The following PHF3 variants were observed in gnomAD, a reference collection of about 807,000 sequenced individuals.
The protein encoded by PHF3 is PHD finger protein 3.
PHF3 carries 41 observed loss-of-function variants against 178.4 expected under a neutral mutation model. The ratio of observed to expected loss-of-function variants is 0.23; its 90% CI spans 0.18 to 0.30. The LOEUF (loss-of-function observed/expected upper bound fraction) is 0.30, where lower values mean the gene tolerates loss of function less well. Among genes scored for constraint, PHF3 ranks in the 10% least tolerant of loss-of-function variants. PHF3 has a pLI of 1.00. For missense variants in PHF3, 2,346 were observed against 2,398.1 expected (o/e 0.98, Z 0.45); for synonymous variants, 842 against 800.5 (o/e 1.05, Z -0.88).
At chr6:63,659,765 G>A (rs1223999574) in intron 2 of PHF3, among the ~76,000 whole-genome samples, 3 of 152,120 alleles carry the variant, frequency 2.0e-5, no homozygotes, top group Admixed American at 6.6e-5. Flanking sequence ...TGTCATTTTG[G>A]TGTTCAAAAA....
chr6:63,644,929 A>G (rs962156418), intron 1 of PHF3, among the ~76,000 whole-genome samples: 1 of 148,326 alleles, frequency 6.7e-6, no homozygotes, highest in Non-Finnish European at 1.5e-5. Context: ...CTCTTTTGCC[A>G]GGCTGGAGTG....
At chr6:63,711,538 G>T in intron 15 of PHF3, 48 bp from the exon 16 acceptor site, 2 of 1,491,382 alleles carry the variant, frequency 1.3e-6, no homozygotes, top group Non-Finnish European at 1.8e-6. Context: ...ACCTTTTTTT[G>T]CAATGATTGA....
chr6:63,703,436 C>A, intron 10 of PHF3, 100 bp from the exon 11 acceptor site: 1 of 1,247,390 alleles, frequency 8.0e-7, no homozygotes, highest in Non-Finnish European at 1.1e-6. Context: ...TATGGAACAA[C>A]TGCATTTTAG....
Position 63,713,169 on chromosome 6 carries a change from C to T in PHF3, c.5581C>T (p.Leu1861Phe), listed in dbSNP as rs1341612059. ...GGTTCCCTGGCCACCTGTTGTTCAT[C>T]TCCCAGGTCAGCCACAGCGTATGAT... is the stretch of plus-strand genomic sequence containing the variant. The part of the protein sequence containing the change: ...PMVPWPPVVH[L>F]PGQPQRMMGP... The change falls in exon 16 of 16, where the codon CTC (leucine) becomes TTC (phenylalanine). Residue 1861 changes from leucine to phenylalanine, a missense_variant. Coordinates refer to ENST00000262043, the MANE Select transcript of PHF3 (RefSeq NM_001370348.2). 5 of 1,613,964 alleles carry T rather than the reference C, an allele frequency of 3.1e-6. No individual in the cohort carries two copies. Among genetic ancestry groups the T allele is most frequent in the Admixed American group, 3.3e-5 (2 of 59,992 alleles).
chr6:63,704,271 T>C (rs975787255), intron 11 of PHF3, among the ~76,000 whole-genome samples: 2 of 152,124 alleles, frequency 1.3e-5, no homozygotes, highest in Admixed American at 6.6e-5. Context: ...TAGTTTACAT[T>C]GGCGTTCACT....
chr6:63,669,323 C>T (rs1391920350), intron 2 of PHF3, among the ~76,000 whole-genome samples: 1 of 152,118 alleles, frequency 6.6e-6, no homozygotes, highest in Non-Finnish European at 1.5e-5. Flanking sequence ...TGTATTATTA[C>T]TTATTAGCAA....
At chr6:63,642,226 C>T (rs1172263543) in intron 1 of PHF3, among the ~76,000 whole-genome samples, 2 of 152,174 alleles carry the variant, frequency 1.3e-5, no homozygotes, top group African/African-American at 4.8e-5. Context: ...ATGCTGTTCC[C>T]TTTGCCTAGA....
At chr6:63,675,678 CTTAG>C (rs549382281) in intron 2 of PHF3, among the ~76,000 whole-genome samples, 1 of 152,164 alleles carries the variant, frequency 6.6e-6, no homozygotes, top group South Asian at 2.1e-4. Context: ...CAAATGCAGT[CTTAG>C]TTATTCTAAT....
chr6:63,709,270 A>G, intron 14 of PHF3, 30 bp downstream of exon 14: 1 of 1,338,762 alleles, frequency 7.5e-7, no homozygotes, highest in East Asian at 2.3e-5. Context: ...CTATACCAGC[A>G]TGGGAAAATG....
rs762039119 is a variant in PHF3, at chr6:63,706,788, T to C, written c.3623T>C (p.Ile1208Thr). The C allele has an allele frequency of 3.9e-5, 63 of 1,613,870 alleles. No homozygotes were observed. Among genetic ancestry groups the C allele is most frequent in the Non-Finnish European group, 5.1e-5 (60 of 1,179,872 alleles). The change falls in exon 13 of 16, where the codon ATC becomes ACC. Residue 1208 changes from isoleucine to threonine, a missense_variant. This residue lies in a region of PHF3 where 205 missense variants were observed against 212.4 expected (regional missense o/e 0.97). Transcript: ENST00000262043. The stretch of plus-strand genomic sequence containing the variant: ...ACCTTTCTGGCTCGATTGAACTTCA[T>C]CTGGAAAGGTTTTATCAACATGCCT... The part of the protein sequence containing the change: ...ESTFLARLNF[I>T]WKGFINMPSV...
intron 2 of PHF3, among the ~76,000 whole-genome samples, chr6:63,656,442 T>A (rs79943242): frequency 0.012 from 1,795 of 152,276 alleles, 29 homozygotes; most frequent in African/African-American, 0.041. Flanking sequence ...CTAGTACAGT[T>A]TTTATTCTAG....
At position 63,685,556 on chromosome 6, in the gene PHF3, C is replaced by G. The variant is rs748878027; in HGVS notation, c.1834C>G (p.His612Asp). 1.2e-5 allele frequency: 20 copies of G among 1,613,992 alleles called. No homozygotes were observed. Among genetic ancestry groups the G allele is most frequent in the Non-Finnish European group, 1.6e-5 (19 of 1,180,008 alleles). ...AHPGCLKEPH[H>D]PAQTGHVSHS... ...TCCTGGTTGCTTGAAAGAACCTCAT[C>G]ATCCTGCACAAACTGGACATGTATC... The change falls in exon 4 of 16, where the codon CAT (histidine) becomes GAT (aspartate). Residue 612 changes from histidine (H) to aspartate (D), a missense_variant. Physicochemically the swap from His to Asp is moderately conservative, Grantham distance 81. Transcript: ENST00000262043.
Position 63,712,595 on chromosome 6 carries a change from T to C in PHF3, c.5007T>C (p.Asp1669=). 6.2e-7 allele frequency: 1 copy of C among 1,613,718 alleles called. No individual in the cohort carries two copies. The highest frequency in any genetic ancestry group is 8.5e-7 in the Non-Finnish European group (1 of 1,179,868). Residue 1669 remains aspartate (D), a synonymous_variant, in exon 16 of 16, where the codon GAT becomes GAC. Transcript: ENST00000262043. ...SQPVTTSESK[D]GDSCRNGEKH... is the part of the protein sequence containing the mutation. ...CTGTAACTACTTCAGAAAGCAAAGA[T>C]GGAGATAGTTGCCGGAATGGAGAAA...
chr6:63,665,023 T>G (rs1356073269), intron 2 of PHF3, among the ~76,000 whole-genome samples: 1 of 152,192 alleles, frequency 6.6e-6, no homozygotes, highest in East Asian at 1.9e-4. Context: ...TATTACTATA[T>G]GAGATCAAAA....
chr6:63,640,692 A>T (rs975015001), intron 1 of PHF3, among the ~76,000 whole-genome samples: 1 of 152,196 alleles, frequency 6.6e-6, no homozygotes. Flanking sequence ...TCCATCACCT[A>T]CTATGGCAAA....
intron 4 of PHF3, chr6:63,686,338 T>C (rs758211340): frequency 1.4e-4 from 22 of 156,626 alleles, no homozygotes; most frequent in Non-Finnish European, 2.7e-4. Context: ...TATTTTTCTT[T>C]TGAAGTTTTT....
rs976348090 is a variant in PHF3, at chr6:63,702,458, G to C, written c.3100-50G>C. 4 of 1,281,860 alleles carry C rather than the reference G, an allele frequency of 3.1e-6. No homozygotes were observed. The African/African-American group carries it at 6.0e-5, about 19-fold the overall frequency. 79.4% of individuals were successfully genotyped at this position (1,281,860 alleles called of 1,614,324 possible). A position where few individuals can be genotyped will look rare whatever the true frequency, so the allele number is the denominator to read the frequency against. On this transcript the variant is annotated intron_variant, in intron 9 of 15. Transcript: ENST00000262043. ...CTCTTATTATTTAAGGTGTACACTT[G>C]GAAATACATATTTTAAATTTAATAT...
At chr6:63,708,540 T>A (rs1259160892) in intron 13 of PHF3, among the ~76,000 whole-genome samples, 1 of 152,234 alleles carries the variant, frequency 6.6e-6, no homozygotes, top group Non-Finnish European at 1.5e-5. Context: ...TTGAATTTAA[T>A]ATCAATTATG....
rs1169352956 is a variant in PHF3 at position 63,646,722 on chromosome 6, A to G, written c.171A>G (p.Gly57=). 6.2e-7 allele frequency: 1 copy of G among 1,612,646 alleles called. No individual in the cohort carries two copies. Among genetic ancestry groups the G allele is most frequent in the African/African-American group, 1.3e-5 (1 of 74,724 alleles). Residue 57 remains glycine, a synonymous_variant, in exon 2 of 16, where the codon GGA becomes GGG. Coordinates refer to ENST00000262043, the MANE Select transcript of PHF3 (RefSeq NM_001370348.2). ...NMLSDKDPML[G]SASNQFCLPV... Reference sequence around the variant, plus strand: ...TCAGCGATAAGGATCCTATGCTAGGATCTGCAAGTAACCAGTTCTGTTTGC... The same window carrying G: ...TCAGCGATAAGGATCCTATGCTAGGGTCTGCAAGTAACCAGTTCTGTTTGC...
Sources: allele counts gnomAD v4.1 joint callset (sites outside exome capture counted in the v4.1 genomes callset), GRCh38; gene constraint gnomAD v4.1.1; regional missense constraint gnomAD v4.1.1; transcripts MANE v1.5; gene names NCBI Gene and HGNC (gene_info 2026-07-23, HGNC 2026-07-21).